The following DOCK10 variants were observed in gnomAD, a reference collection of about 807,000 sequenced individuals.
DOCK10 encodes dedicator of cytokinesis 10.
Under a neutral mutation model 280.1 loss-of-function variants are expected in DOCK10, and 145 were observed. The ratio of observed to expected loss-of-function variants is 0.52; its 90% CI spans 0.45 to 0.59. The LOEUF (loss-of-function observed/expected upper bound fraction) is 0.59. Ranked by LOEUF, DOCK10 falls within the 20% of genes least tolerant of loss-of-function variation. The pLI is 0.00. For synonymous variants in DOCK10, 915 were observed against 942.2 expected (o/e 0.97, Z 0.53); for missense variants, 2,368 against 2,651.7 (o/e 0.89, Z 2.35).
intron 13 of DOCK10, 146 bp downstream of exon 13, chr2:224,864,407 G>C (rs1364379774): frequency 1.3e-6 from 1 of 750,226 alleles, no homozygotes; most frequent in Non-Finnish European, 2.0e-6. Flanking sequence ...CTACTGGGGA[G>C]GCTGAGGCAA....
At position 224,819,422 on chromosome 2, in the gene DOCK10, ATCAC is replaced by A. The variant is rs764436248; in HGVS notation, c.3267+20_3267+23del. 1 of 1,482,288 alleles carries A rather than the reference ATCAC, an allele frequency of 6.7e-7. No homozygotes were observed. Among genetic ancestry groups the A allele is most frequent in the East Asian group, 2.3e-5 (1 of 43,080 alleles). 91.8% of individuals were successfully genotyped at this position (1,482,288 alleles called of 1,614,324 possible). A position where few individuals can be genotyped will look rare whatever the true frequency, so the allele number is the denominator to read the frequency against. On this transcript the variant is annotated intron_variant, in intron 29 of 55. Transcript: ENST00000258390. ...TTACAATGCCATAGTTTAGAAAACA[ATCAC>A]TCCTGTACGTGGTTCTTACCTTAAG... is the stretch of plus-strand genomic sequence containing the variant.
chr2:224,886,281 C>T, intron 5 of DOCK10, 96 bp from the exon 6 acceptor site: 3 of 1,549,722 alleles, frequency 1.9e-6, no homozygotes, highest in Admixed American at 3.7e-5. Context: ...CTCTCTTTGA[C>T]TCATCTTAAA....
intron 4 of DOCK10, among the ~76,000 whole-genome samples, chr2:224,888,206 T>C (rs912024625): frequency 1.1e-4 from 16 of 150,870 alleles, no homozygotes; most frequent in African/African-American, 3.7e-4. Flanking sequence ...ATGTTTAATA[T>C]ATTAATATAG....
chr2:224,982,981 TGA>T (rs1172371176), intron 1 of DOCK10, among the ~76,000 whole-genome samples: 5 of 152,124 alleles, frequency 3.3e-5, no homozygotes, highest in African/African-American at 7.2e-5. Flanking sequence ...CAGCCCTGAG[TGA>T]GAGACACCAG....
At chr2:225,009,158 G>A (rs1014680895) in intron 1 of DOCK10, among the ~76,000 whole-genome samples, 2 of 152,158 alleles carry the variant, frequency 1.3e-5, no homozygotes, top group African/African-American at 2.4e-5. Flanking sequence ...AACCAGGGTC[G>A]ACGCCTAAGT....
intron 1 of DOCK10, among the ~76,000 whole-genome samples, chr2:225,031,601 C>T (rs550170757): frequency 5.9e-5 from 9 of 152,244 alleles, no homozygotes; most frequent in African/African-American, 1.9e-4. Flanking sequence ...AACTAGAAAA[C>T]GAGAGGTTCC....
intron 1 of DOCK10, among the ~76,000 whole-genome samples, chr2:225,027,721 C>G (rs942863124): frequency 1.3e-5 from 2 of 152,182 alleles, no homozygotes; most frequent in Non-Finnish European, 2.9e-5. Context: ...TGCCACCATG[C>G]TTCCTGTATA....
In DOCK10 at chr2:224,886,501, T is replaced by G; in HGVS notation, c.447A>C (p.Ser149=). Residue 149 remains serine, a synonymous_variant, in exon 5 of 56, where the codon TCA becomes TCC. Coordinates refer to ENST00000258390, the MANE Select transcript of DOCK10 (RefSeq NM_014689.3). ...CTTCATGGTCAATCTCAAAGGAATG[T>G]GAAGGAAGCTTCTCTGGTTTGTATT... ...RAEYKPEKLP[S]HSFEIDHEDA... The G allele has an allele frequency of 6.2e-7, 1 of 1,610,172 alleles. No individual in the cohort carries two copies. The highest frequency in any genetic ancestry group is 8.5e-7 in the Non-Finnish European group (1 of 1,179,494).
intron 2 of DOCK10, among the ~76,000 whole-genome samples, chr2:224,929,688 A>T (rs555558172): frequency 1.3e-5 from 2 of 152,332 alleles, no homozygotes; most frequent in Admixed American, 6.5e-5. Context: ...ATTGTCTGTT[A>T]CGCTGCCAAG....
chr2:224,854,906 C>T, intron 16 of DOCK10, 57 bp downstream of exon 16: 1 of 1,362,548 alleles, frequency 7.3e-7, no homozygotes. Context: ...CAAAACAAAC[C>T]CACTAAATAT....
At chr2:224,771,917 C>CTTT (rs35364268) in intron 53 of DOCK10, among the ~76,000 whole-genome samples, 1 of 141,380 alleles carries the variant, frequency 7.1e-6, no homozygotes, top group Non-Finnish European at 1.5e-5. Context: ...TTTTCTTTGG[C>CTTT]TTTTTTTTTT....
At chr2:224,984,416 T>C (rs1264027733) in intron 1 of DOCK10, among the ~76,000 whole-genome samples, 1 of 152,232 alleles carries the variant, frequency 6.6e-6, no homozygotes, top group Non-Finnish European at 1.5e-5. Context: ...ACAAATGAGA[T>C]GCTTTCTAGC....
intron 1 of DOCK10, among the ~76,000 whole-genome samples, chr2:224,941,126 G>C (rs1703039223): frequency 1.3e-5 from 2 of 151,450 alleles, no homozygotes; most frequent in Non-Finnish European, 2.9e-5. Flanking sequence ...TAATGGCAAA[G>C]ACCATAATCA....
At chr2:224,983,139 A>G (rs925313656) in intron 1 of DOCK10, among the ~76,000 whole-genome samples, 31 of 152,182 alleles carry the variant, frequency 2.0e-4, no homozygotes, top group African/African-American at 6.8e-4. Context: ...AAGCTCCGCC[A>G]AGCTGACCTC....
chr2:224,790,481 T>C (rs72970958), intron 47 of DOCK10, among the ~76,000 whole-genome samples: 5 of 152,348 alleles, frequency 3.3e-5, no homozygotes, highest in African/African-American at 4.8e-5. Flanking sequence ...TTTTAAGTTA[T>C]AGCTAATACT....
intron 1 of DOCK10, among the ~76,000 whole-genome samples, chr2:225,001,535 G>A (rs960667444): frequency 9.9e-5 from 15 of 151,978 alleles, no homozygotes; most frequent in South Asian, 2.1e-4. Flanking sequence ...TGATCCACCC[G>A]CCTCAGCCTC....
chr2:224,851,318 A>G (rs1033937255), intron 18 of DOCK10, among the ~76,000 whole-genome samples: 1 of 152,168 alleles, frequency 6.6e-6, no homozygotes, highest in South Asian at 2.1e-4. Flanking sequence ...CTACAGGCCA[A>G]ACGTGCTTGC....
intron 2 of DOCK10, among the ~76,000 whole-genome samples, chr2:224,931,141 A>C (rs1702345251): frequency 6.6e-6 from 1 of 152,184 alleles, no homozygotes; most frequent in Admixed American, 6.5e-5. Flanking sequence ...GGTGATTTTT[A>C]AGAACTGCAT....
intron 1 of DOCK10, among the ~76,000 whole-genome samples, chr2:225,004,938 T>C (rs144279170): frequency 1.8e-4 from 27 of 152,354 alleles, no homozygotes; most frequent in Admixed American, 1.5e-3. Context: ...ATAAGTATGA[T>C]TGTCTTGACT....
Sources: gnomAD v4.1 joint callset for allele counts (sites outside exome capture counted in the v4.1 genomes callset) on GRCh38, gnomAD v4.1.1 for gene constraint, MANE v1.5 for transcripts, NCBI Gene and HGNC (gene_info 2026-07-23, HGNC 2026-07-21) for gene names.